S100Z: variants seen among roughly 807,000 people sequenced by gnomAD.
S100Z encodes the protein S100 calcium binding protein Z, also known as protein S100-Z.
S100Z carries 11 observed loss-of-function variants against 8.5 expected under a neutral mutation model. The observed-to-expected ratio is 1.30, with a 90% CI of 0.82 to 2.15. S100Z has a LOEUF of 2.15. Ranked by LOEUF, S100Z falls within the 30% of genes most tolerant of loss-of-function variation. The pLI, the probability that S100Z is intolerant of heterozygous loss-of-function variation, is 0.00. For missense variants in S100Z, 126 were observed against 117.9 expected, an observed-to-expected ratio of 1.07 and a Z score of -0.32; for synonymous variants, 34 against 43.8, an observed-to-expected ratio of 0.78 and a Z score of 0.89.
intron 1 of S100Z, among the ~76,000 whole-genome samples, chr5:76,852,346 G>A (rs993247320): frequency 6.6e-5 from 10 of 152,032 alleles, no homozygotes; most frequent in African/African-American, 2.2e-4. Flanking sequence ...CAGCCTGGCC[G>A]TGGAAGCAGG....
chr5:76,936,659 C>CA, the S100Z span, among the ~76,000 whole-genome samples: 8 of 62,070 alleles, frequency 1.3e-4, no homozygotes, highest in Non-Finnish European at 2.8e-4. Context: ...ACACACACAA[C>CA]CATGAAGGAA....
At chr5:76,897,628 A>G (rs1380670121) in intron 4 of S100Z, among the ~76,000 whole-genome samples, 1 of 151,822 alleles carries the variant, frequency 6.6e-6, no homozygotes, top group Non-Finnish European at 1.5e-5. Flanking sequence ...GCATTTTTCT[A>G]TTTTTTTGGT....
rs35232494 is a variant in S100Z, at chr5:76,917,123, C to CAAA, written c.*3-3575_*3-3573dup. Among the ~76,000 whole-genome samples, 400 of 80,474 alleles carry CAAA rather than the reference C, an allele frequency of 5.0e-3. 17 individuals carry two copies. Among genetic ancestry groups the CAAA allele is most frequent in the African/African-American group, 0.017 (348 of 20,650 alleles). The allele number at this position is 80,474 out of a possible 152,430, so 52.8% of individuals were successfully genotyped here. ...CCTAGGTGACAGAGTGAGACTGTCT[C>CAAA]AAAAAAAAAAAAAAAAAAAAAGGAT... On this transcript the variant is annotated intron_variant, in intron 4 of 4. Transcript: ENST00000317593.
the S100Z span, among the ~76,000 whole-genome samples, chr5:76,944,086 C>T: frequency 2.0e-5 from 3 of 152,160 alleles, no homozygotes; most frequent in African/African-American, 7.2e-5. Context: ...CCCCATCCCT[C>T]CAGCTTGCTC....
chr5:76,870,901 T>G (rs1296204328), intron 2 of S100Z, among the ~76,000 whole-genome samples: 1 of 152,104 alleles, frequency 6.6e-6, no homozygotes, highest in South Asian at 2.1e-4. Context: ...GTGGGAGGAT[T>G]GCTTGAGGCC....
intron 1 of S100Z, among the ~76,000 whole-genome samples, chr5:76,863,683 C>A (rs1257621041): frequency 3.3e-5 from 5 of 151,764 alleles, no homozygotes; most frequent in African/African-American, 1.2e-4. Context: ...GGACTACAGG[C>A]ACCCGCCACC....
chr5:76,863,114 C>T (rs1435580514), intron 1 of S100Z, among the ~76,000 whole-genome samples: 2 of 152,200 alleles, frequency 1.3e-5, no homozygotes, highest in Non-Finnish European at 2.9e-5. Context: ...AGTAGAGAGA[C>T]ATCTGACTTT....
intron 1 of S100Z, among the ~76,000 whole-genome samples, chr5:76,864,113 A>G (rs1402778500): frequency 6.6e-6 from 1 of 152,198 alleles, no homozygotes; most frequent in African/African-American, 2.4e-5. Flanking sequence ...ATAAAACTAC[A>G]GTCATGTGCC....
chr5:76,886,902 C>T (rs1416955628), intron 4 of S100Z, among the ~76,000 whole-genome samples: 2 of 152,058 alleles, frequency 1.3e-5, no homozygotes, highest in Non-Finnish European at 2.9e-5. Flanking sequence ...GGTGGAATGT[C>T]ATCAGTTAAG....
chr5:76,875,773 G>T (rs1361330250), intron 3 of S100Z, among the ~76,000 whole-genome samples: 1 of 152,204 alleles, frequency 6.6e-6, no homozygotes, highest in Non-Finnish European at 1.5e-5. Context: ...GTGCGGCAAA[G>T]ATGTAGCTAA....
intron 2 of S100Z, among the ~76,000 whole-genome samples, chr5:76,874,387 C>T (rs1156353546): frequency 6.6e-6 from 1 of 152,144 alleles, no homozygotes; most frequent in Non-Finnish European, 1.5e-5. Context: ...TCCACACTCC[C>T]CTAAAGAGAG....
intron 4 of S100Z, among the ~76,000 whole-genome samples, chr5:76,914,547 C>T (rs1326808417): frequency 6.6e-6 from 1 of 152,102 alleles, no homozygotes; most frequent in African/African-American, 2.4e-5. Flanking sequence ...TTTCACTCTT[C>T]GCAATAAATC....
intron 1 of S100Z, among the ~76,000 whole-genome samples, chr5:76,869,710 C>T (rs1431040342): frequency 6.6e-6 from 1 of 152,030 alleles, no homozygotes; most frequent in African/African-American, 2.4e-5. Context: ...GAGAAGTGGA[C>T]CAGTTTAGCT....
At chr5:76,904,333 G>A (rs1289278070) in intron 4 of S100Z, among the ~76,000 whole-genome samples, 1 of 151,980 alleles carries the variant, frequency 6.6e-6, no homozygotes, top group Non-Finnish European at 1.5e-5. Flanking sequence ...TAGCTGGAGT[G>A]CATTGGCATG....
intron 4 of S100Z, among the ~76,000 whole-genome samples, chr5:76,902,926 CT>C (rs2150671865): frequency 6.6e-6 from 1 of 152,314 alleles, no homozygotes; most frequent in South Asian, 2.1e-4. Flanking sequence ...TGGCTTACAC[CT>C]GTAATCCCAG....
chr5:76,861,431 C>T (rs1395457210), intron 1 of S100Z, among the ~76,000 whole-genome samples: 1 of 152,084 alleles, frequency 6.6e-6, no homozygotes, highest in Non-Finnish European at 1.5e-5. Context: ...CCTCTGCCCC[C>T]GGGTTCAAGT....
chr5:76,898,753 T>C (rs1744126412), intron 4 of S100Z, among the ~76,000 whole-genome samples: 2 of 152,170 alleles, frequency 1.3e-5, no homozygotes, highest in South Asian at 2.1e-4. Context: ...TATTGCCCTG[T>C]AGTTTTCTTT....
chr5:76,877,868 A>G (rs1385621891), intron 4 of S100Z, 34 bp downstream of exon 4: 2 of 1,449,618 alleles, frequency 1.4e-6, no homozygotes, highest in Non-Finnish European at 1.9e-6. Context: ...GCAGAAATAT[A>G]TCCAAAGTTA....
intron 4 of S100Z, among the ~76,000 whole-genome samples, chr5:76,883,199 C>G (rs1743476792): frequency 6.6e-6 from 1 of 151,846 alleles, no homozygotes; most frequent in Non-Finnish European, 1.5e-5. Flanking sequence ...CATTTGTCAC[C>G]AAGGAGGGAG....
Sources: allele counts gnomAD v4.1 joint callset (sites outside exome capture counted in the v4.1 genomes callset), GRCh38; gene constraint gnomAD v4.1.1; transcripts MANE v1.5; gene names NCBI Gene and HGNC (gene_info 2026-07-23, HGNC 2026-07-21).